SEMA5A: variants seen among roughly 807,000 people sequenced by gnomAD.
SEMA5A encodes the protein semaphorin-5A.
In SEMA5A, 55 loss-of-function variants were observed where a neutral mutation model predicts 135.5. The observed-to-expected ratio is 0.41, with a 90% CI of 0.33 to 0.51. SEMA5A has a LOEUF of 0.51. Ranked by LOEUF, SEMA5A falls within the 20% of genes least tolerant of loss-of-function variation. SEMA5A has a pLI of 0.37. For missense variants in SEMA5A, 1,290 were observed against 1,419.9 expected (o/e 0.91, Z 1.47); for synonymous variants, 580 against 546.5 (o/e 1.06, Z -0.85).
chr5:9,173,674 C>G (rs938757838), intron 11 of SEMA5A, among the ~76,000 whole-genome samples: 2 of 152,160 alleles, frequency 1.3e-5, no homozygotes, highest in Non-Finnish European at 2.9e-5. Context: ...AATAAGGTTT[C>G]AACTTATTTT....
At chr5:9,080,360 G>A (rs1262401767) in intron 16 of SEMA5A, among the ~76,000 whole-genome samples, 3 of 152,030 alleles carry the variant, frequency 2.0e-5, no homozygotes, top group African/African-American at 4.8e-5. Context: ...AGAACACATG[G>A]ACACAGGGAG....
At chr5:9,367,063 G>C (rs1022522183) in intron 3 of SEMA5A, among the ~76,000 whole-genome samples, 1 of 152,142 alleles carries the variant, frequency 6.6e-6, no homozygotes, top group Non-Finnish European at 1.5e-5. Context: ...AGCCTACATC[G>C]ATCTTCGTTA....
chr5:9,147,630 G>A (rs909996110), intron 12 of SEMA5A, among the ~76,000 whole-genome samples: 1 of 150,530 alleles, frequency 6.6e-6, no homozygotes, highest in African/African-American at 2.4e-5. Context: ...AATTTAAAAG[G>A]TGTGACTCTT....
intron 1 of SEMA5A, among the ~76,000 whole-genome samples, chr5:9,541,739 T>A (rs1463246166): frequency 1.3e-5 from 2 of 152,164 alleles, no homozygotes; most frequent in Non-Finnish European, 2.9e-5. Flanking sequence ...TTGGGAAATT[T>A]TTCTGTTTTC....
chr5:9,444,853 C>T (rs943518643), intron 1 of SEMA5A, among the ~76,000 whole-genome samples: 3 of 152,040 alleles, frequency 2.0e-5, no homozygotes, highest in Admixed American at 6.5e-5. Context: ...TTGGTTTGCC[C>T]GCACCGGCCT....
At chr5:9,235,235 G>A (rs563519710) in intron 6 of SEMA5A, among the ~76,000 whole-genome samples, 11 of 152,292 alleles carry the variant, frequency 7.2e-5, no homozygotes, top group Admixed American at 3.9e-4. Context: ...ATTTTTAAAC[G>A]TCTTTGTAAC....
chr5:9,522,824 A>G (rs1220519411), intron 1 of SEMA5A: 2 of 152,246 alleles, frequency 1.3e-5, no homozygotes, highest in Non-Finnish European at 2.9e-5. Context: ...TCATGAGAGA[A>G]CTGGTCTTCA....
At chr5:9,292,811 G>C (rs1187400982) in intron 5 of SEMA5A, among the ~76,000 whole-genome samples, 1 of 152,204 alleles carries the variant, frequency 6.6e-6, no homozygotes, top group Non-Finnish European at 1.5e-5. Flanking sequence ...GGAACACGTG[G>C]AAGTGTCTAG....
At chr5:9,207,428 G>A (rs56140613) in intron 8 of SEMA5A, among the ~76,000 whole-genome samples, 9,218 of 151,958 alleles carry the variant, frequency 0.061, 362 homozygotes, top group Non-Finnish European at 0.088. Context: ...CAGGTGATCC[G>A]CCCACTTCAG....
At chr5:9,388,952 T>C (rs1430818427) in intron 2 of SEMA5A, among the ~76,000 whole-genome samples, 1 of 152,034 alleles carries the variant, frequency 6.6e-6, no homozygotes, top group Admixed American at 6.5e-5. Context: ...CATTTTCTCT[T>C]TCGTCCACTG....
At chr5:9,437,727 T>G (rs534992414) in intron 2 of SEMA5A, 29 bp downstream of exon 2, 1 of 152,316 alleles carries the variant, frequency 6.6e-6, no homozygotes, top group African/African-American at 2.4e-5. Context: ...TTTTAGTTTC[T>G]TCACTTCCCA....
intron 1 of SEMA5A, among the ~76,000 whole-genome samples, chr5:9,528,823 A>C (rs531158495): frequency 1.3e-3 from 191 of 152,324 alleles, no homozygotes; most frequent in African/African-American, 4.5e-3. Context: ...TACCTATTTA[A>C]TGCATTTTAT....
chr5:9,440,872 T>C (rs1001504407), intron 1 of SEMA5A, among the ~76,000 whole-genome samples: 4 of 152,172 alleles, frequency 2.6e-5, no homozygotes, highest in Non-Finnish European at 5.9e-5. Flanking sequence ...AGGCCAGTCT[T>C]ATGAGCTGAA....
chr5:9,197,144 G>A (rs780188630), intron 10 of SEMA5A, 24 bp downstream of exon 10: 6 of 1,613,708 alleles, frequency 3.7e-6, no homozygotes, highest in Non-Finnish European at 5.1e-6. Flanking sequence ...TGCCAACAGT[G>A]CCCCTTTGCC....
chr5:9,157,090 G>T (rs988592), intron 11 of SEMA5A, among the ~76,000 whole-genome samples: 83,852 of 152,122 alleles, frequency 0.55, 25,855 homozygotes, highest in Middle Eastern at 0.77. Flanking sequence ...ATGGATGACC[G>T]TGCATCCTTC....
chr5:9,480,259 T>C (rs1204192219), intron 1 of SEMA5A, among the ~76,000 whole-genome samples: 1 of 152,200 alleles, frequency 6.6e-6, no homozygotes, highest in African/African-American at 2.4e-5. Flanking sequence ...AAAAAATATA[T>C]TTTTGAGGCT....
At chr5:9,337,542 A>G (rs1753446538) in intron 4 of SEMA5A, among the ~76,000 whole-genome samples, 171 bp downstream of exon 4, 1 of 152,220 alleles carries the variant, frequency 6.6e-6, no homozygotes, top group Admixed American at 6.5e-5. Context: ...GGCAGCCATC[A>G]ACATCTTATT....
At chr5:9,153,631 G>A (rs1742760326) in intron 12 of SEMA5A, among the ~76,000 whole-genome samples, 1 of 151,848 alleles carries the variant, frequency 6.6e-6, no homozygotes, top group Non-Finnish European at 1.5e-5. Context: ...GTCCCGGAAA[G>A]TGGGTGCCAC....
At chr5:9,196,640 G>A (rs1351393628) in intron 10 of SEMA5A, among the ~76,000 whole-genome samples, 1 of 152,160 alleles carries the variant, frequency 6.6e-6, no homozygotes, top group Non-Finnish European at 1.5e-5. Context: ...CAAAGCCCTG[G>A]AAGCTTGAAC....
Sources: allele counts gnomAD v4.1 joint callset (sites outside exome capture counted in the v4.1 genomes callset), GRCh38; gene constraint gnomAD v4.1.1; transcripts MANE v1.5; gene names NCBI Gene and HGNC (gene_info 2026-07-23, HGNC 2026-07-21).